Variants in MED9 observed in about 807,000 individuals in gnomAD.
MED9 encodes the protein mediator of RNA polymerase II transcription subunit 9.
Under a neutral mutation model 13.2 loss-of-function variants are expected in MED9, and 8 were observed. The observed-to-expected ratio is 0.61, with a 90% CI of 0.36 to 1.10. The LOEUF (loss-of-function observed/expected upper bound fraction) is 1.10, where lower values mean the gene tolerates loss of function less well. MED9 is among the 50% of genes least tolerant of loss of function. The probability of loss-of-function intolerance (pLI) is 0.02; values close to 1 mark genes in which losing one functional copy is unlikely to be tolerated. For synonymous variants in MED9, 87 were observed against 82.8 expected, an observed-to-expected ratio of 1.05 and a Z score of -0.28; for missense variants, 180 against 193.4, an observed-to-expected ratio of 0.93 and a Z score of 0.41.
rs1905073950 is a variant in MED9 at position 17,483,861 on chromosome 17, C to CG, written c.224+6599dup. 6.6e-6 allele frequency among the ~76,000 whole-genome samples: 1 copy of CG among 150,834 alleles called. No individual in the cohort carries two copies. The highest frequency in any genetic ancestry group is 2.4e-5 in the African/African-American group (1 of 40,976). ...CTGAGGCAGGAGAATCGCTTGAACC[C>CG]GGGAGGCGGAGGTTGCAGTGAGCCA... On this transcript the variant is annotated intron_variant, in intron 1 of 1. Coordinates refer to ENST00000268711, the MANE Select transcript of MED9 (RefSeq NM_018019.3). This position sits in a 1 kb window ranked among gnomAD's most constrained non-coding sequence, Gnocchi z 4.2.
At chr17:17,480,605 A>G (rs1028481269) in intron 1 of MED9, among the ~76,000 whole-genome samples, 1 of 152,182 alleles carries the variant, frequency 6.6e-6, no homozygotes, top group African/African-American at 2.4e-5. Flanking sequence ...ACGGTGAGCC[A>G]TGATCGCACT....
At position 17,491,553 on chromosome 17, in the gene MED9, A is replaced by C; in HGVS notation, c.*58A>C. On this transcript the variant is annotated 3_prime_UTR_variant, in exon 2 of 2. Transcript: ENST00000268711. ...GCCAATGGCCTGTCTCCCCACTACC[A>C]TCCCCAAACGCTCCTTGGGGCGTGG... 1 of 1,472,552 alleles carries C rather than the reference A, an allele frequency of 6.8e-7. No homozygotes were observed. The allele number at this position is 1,472,552 out of a possible 1,614,324, so 91.2% of individuals were successfully genotyped here. A position where few individuals can be genotyped will look rare whatever the true frequency, so the allele number is the denominator to read the frequency against.
rs1435012683 is a variant in MED9 at position 17,492,111 on chromosome 17, G to C, written c.*616G>C. ...GAGCCAGTGAAGGGAACTACGCTTT[G>C]GGGGCTTCAGCCTAGAGCCCTGCCA... On this transcript the variant is annotated 3_prime_UTR_variant, in exon 2 of 2. Coordinates refer to ENST00000268711, the MANE Select transcript of MED9 (RefSeq NM_018019.3). 6.4e-6 allele frequency: 1 copy of C among 155,948 alleles called. No homozygotes were observed. The highest frequency in any genetic ancestry group is 1.4e-5 in the Non-Finnish European group (1 of 70,386). The allele number at this position is 155,948 out of a possible 1,614,324, so 9.7% of individuals were successfully genotyped here.
At chr17:17,477,371 A>T (rs575462508) in intron 1 of MED9, 106 bp downstream of exon 1, 1 of 1,258,468 alleles carries the variant, frequency 7.9e-7, no homozygotes, top group East Asian at 2.4e-5. Context: ...CCCCCGTTTC[A>T]CAGATGGGGA....
In MED9 at chr17:17,477,102, G is replaced by T. The variant is rs920176423; in HGVS notation, c.61G>T (p.Asp21Tyr). The T allele has an allele frequency of 4.4e-6, 7 of 1,606,734 alleles. No individual in the cohort carries two copies. Among genetic ancestry groups the T allele is most frequent in the Non-Finnish European group, 4.2e-6 (5 of 1,178,966 alleles). ...QAEDVLPPTSDQPLPDTKPLP... is the reference protein window; with the variant it reads ...QAEDVLPPTSYQPLPDTKPLP... ...GGAGGATGTATTGCCGCCAACGTCCGACCAGCCGCTGCCTGACACCAAGCC... is the reference window on the plus strand; with the variant it reads ...GGAGGATGTATTGCCGCCAACGTCCTACCAGCCGCTGCCTGACACCAAGCC... The change falls in exon 1 of 2, where the codon GAC becomes TAC. Residue 21 changes from aspartate (D) to tyrosine (Y), a missense_variant. Physicochemically the swap from Asp to Tyr is radical, Grantham distance 160. Transcript: ENST00000268711.
chr17:17,479,863 G>A (rs1344740786), intron 1 of MED9, among the ~76,000 whole-genome samples: 1 of 152,168 alleles, frequency 6.6e-6, no homozygotes, highest in Non-Finnish European at 1.5e-5. Context: ...CAAAGTGGAT[G>A]ACCAGGGCTA....
chr17:17,490,980 A>T (rs1317365909), intron 1 of MED9, among the ~76,000 whole-genome samples: 1 of 152,140 alleles, frequency 6.6e-6, no homozygotes, highest in Admixed American at 6.5e-5. Flanking sequence ...GGGTAGGGAG[A>T]CACCTGTGAC....
intron 1 of MED9, among the ~76,000 whole-genome samples, chr17:17,478,592 T>G (rs1904968769): frequency 1.3e-5 from 2 of 152,132 alleles, no homozygotes; most frequent in South Asian, 4.1e-4. Context: ...AGGCATGGTG[T>G]CTCATGCCTG....
At chr17:17,480,777 T>G (rs751126896) in intron 1 of MED9, among the ~76,000 whole-genome samples, 40 of 152,172 alleles carry the variant, frequency 2.6e-4, no homozygotes, top group Admixed American at 2.6e-4. Flanking sequence ...GTTCTGCAGC[T>G]GTAAACATGA....
At chr17:17,477,391 C>G (rs1904942851) in intron 1 of MED9, 126 bp downstream of exon 1, 1 of 1,116,476 alleles carries the variant, frequency 9.0e-7, no homozygotes, top group South Asian at 1.6e-5. Flanking sequence ...AAACTCAGAC[C>G]CAGAGCGGGA....
chr17:17,480,475 A>G (rs1458675190), intron 1 of MED9, among the ~76,000 whole-genome samples: 1 of 152,196 alleles, frequency 6.6e-6, no homozygotes, highest in Non-Finnish European at 1.5e-5. Flanking sequence ...CACTAAGCAT[A>G]GGAAGAAACC....
At chr17:17,484,852 G>T (rs1276544989) in intron 1 of MED9, among the ~76,000 whole-genome samples, 1 of 152,226 alleles carries the variant, frequency 6.6e-6, no homozygotes, top group Non-Finnish European at 1.5e-5. Context: ...CGTGAGAAAT[G>T]CCAGGCAAGC....
rs571357672 is a variant in MED9, at chr17:17,492,699, C to G, written c.*1204C>G. On this transcript the variant is annotated 3_prime_UTR_variant, in exon 2 of 2. Transcript: ENST00000268711. Reference sequence around the variant, plus strand: ...AAGTCCTGGAGTATTGTTTGGGTCTCGGAATGGGCGCATAACCTGCGCTGA... The same window carrying G: ...AAGTCCTGGAGTATTGTTTGGGTCTGGGAATGGGCGCATAACCTGCGCTGA... 1.3e-5 allele frequency: 2 copies of G among 152,358 alleles called. No individual in the cohort carries two copies. The highest frequency in any genetic ancestry group is 3.9e-4 in the East Asian group (2 of 5,178). 9.4% of individuals were successfully genotyped at this position (152,358 alleles called of 1,614,324 possible).
At chr17:17,477,339 G>A in intron 1 of MED9, 74 bp downstream of exon 1, 1 of 1,455,126 alleles carries the variant, frequency 6.9e-7, no homozygotes, top group Non-Finnish European at 9.2e-7. Context: ...AGCTGCAAGA[G>A]GCCTTGGCGC....
intron 1 of MED9, among the ~76,000 whole-genome samples, chr17:17,484,794 C>T (rs1905096066): frequency 6.6e-6 from 1 of 152,230 alleles, no homozygotes; most frequent in African/African-American, 2.4e-5. Context: ...CCAGCAGAGG[C>T]AAGCCCCACG....
rs1441065299 is a variant in MED9, at chr17:17,491,800, G to T, written c.*305G>T. On this transcript the variant is annotated 3_prime_UTR_variant, in exon 2 of 2. Coordinates refer to ENST00000268711, the MANE Select transcript of MED9 (RefSeq NM_018019.3). ...GGTGGAGGACTCTCCCCTGCCTCTG[G>T]GGAGGGGGCCATCTGCTGCGCCCGG... The T allele has an allele frequency of 5.1e-6, 2 of 394,726 alleles. No individual in the cohort carries two copies. The highest frequency in any genetic ancestry group is 9.6e-6 in the Non-Finnish European group (2 of 208,678). The allele number at this position is 394,726 out of a possible 1,614,324, so 24.5% of individuals were successfully genotyped here.
intron 1 of MED9, among the ~76,000 whole-genome samples, chr17:17,488,842 A>G: frequency 6.6e-6 from 1 of 152,116 alleles, no homozygotes; most frequent in East Asian, 1.9e-4. Context: ...AAAAAAAAAA[A>G]AGAAAAAAAG....
At chr17:17,481,824 A>G (rs1905037417) in intron 1 of MED9, among the ~76,000 whole-genome samples, 1 of 152,250 alleles carries the variant, frequency 6.6e-6, no homozygotes, top group Non-Finnish European at 1.5e-5. Context: ...TTGCTGGGGC[A>G]TAGGGTACAA....
rs1905234851 is a variant in MED9 at position 17,491,721 on chromosome 17, A to G, written c.*226A>G. The G allele has an allele frequency of 1.5e-5, 8 of 525,730 alleles. No homozygotes were observed. In the Admixed American group the frequency reaches 2.3e-4, roughly 15 times the overall value. The allele number at this position is 525,730 out of a possible 1,614,324, so 32.6% of individuals were successfully genotyped here. On this transcript the variant is annotated 3_prime_UTR_variant, in exon 2 of 2. Coordinates refer to ENST00000268711, the MANE Select transcript of MED9 (RefSeq NM_018019.3). ...GTAGATCCATATGTCTAGATGCATA[A>G]TAACTGGAGTGCCTGCTGGTGGAAG... is the stretch of plus-strand genomic sequence containing the variant.
Sources: gnomAD v4.1 joint callset for allele counts (sites outside exome capture counted in the v4.1 genomes callset) on GRCh38, gnomAD v4.1.1 for gene constraint, Gnocchi (gnomAD v3.1) non-coding constraint, MANE v1.5 for transcripts, NCBI Gene and HGNC (gene_info 2026-07-23, HGNC 2026-07-21) for gene names.